The following UXS1 variants were observed in gnomAD, a reference collection of about 807,000 sequenced individuals.
UXS1 encodes UDP-glucuronic acid decarboxylase 1.
A neutral mutation model predicts 62.6 loss-of-function variants in UXS1; 33 were observed. The ratio of observed to expected loss-of-function variants is 0.53; its 90% CI spans 0.40 to 0.70. The LOEUF is 0.70. Among genes scored for constraint, UXS1 ranks in the 30% least tolerant of loss-of-function variants. The pLI, the probability that UXS1 is intolerant of heterozygous loss-of-function variation, is 0.00. For synonymous variants in UXS1, 213 were observed against 206.8 expected, an observed-to-expected ratio of 1.03 and a Z score of -0.26; for missense variants, 434 against 556.3, an observed-to-expected ratio of 0.78 and a Z score of 2.21.
chr2:106,128,126 C>T (rs1421269342), intron 7 of UXS1, among the ~76,000 whole-genome samples: 1 of 152,112 alleles, frequency 6.6e-6, no homozygotes, highest in Non-Finnish European at 1.5e-5. Flanking sequence ...TGATCTTTTC[C>T]TCTATGGTCT....
intron 8 of UXS1, among the ~76,000 whole-genome samples, chr2:106,124,234 TG>T (rs1333785178): frequency 7.2e-5 from 11 of 152,186 alleles, no homozygotes. Flanking sequence ...TAACAAGAGC[TG>T]GGCAAGCTAC....
At chr2:106,190,384 G>GA (rs1450180390) in intron 1 of UXS1, among the ~76,000 whole-genome samples, 1 of 152,124 alleles carries the variant, frequency 6.6e-6, no homozygotes, top group Non-Finnish European at 1.5e-5. Context: ...ATCTACAACT[G>GA]AAAAATCAGG....
chr2:106,131,008 C>A (rs372168492), intron 6 of UXS1, among the ~76,000 whole-genome samples: 1 of 151,738 alleles, frequency 6.6e-6, no homozygotes, highest in Non-Finnish European at 1.5e-5. Flanking sequence ...GTTCATCTCA[C>A]TAGGGAGTGC....
chr2:106,098,594 A>T, intron 13 of UXS1, 122 bp downstream of exon 13: 1 of 772,438 alleles, frequency 1.3e-6, no homozygotes. Flanking sequence ...TTCCTGATAA[A>T]AAGTTCTGCT....
At chr2:106,145,593 C>T in intron 5 of UXS1, 5 of 433,152 alleles carry the variant, frequency 1.2e-5, no homozygotes, top group Non-Finnish European at 2.0e-5. Flanking sequence ...AAATTTCAAA[C>T]TACCAGTCTT....
intron 13 of UXS1, 145 bp from the exon 14 acceptor site, chr2:106,096,966 A>C: frequency 1.2e-6 from 1 of 820,762 alleles, no homozygotes; most frequent in Non-Finnish European, 2.0e-6. Context: ...GAAGCCCCGG[A>C]GCTCCCGAGG....
chr2:106,174,590 C>CG (rs1438516964), intron 1 of UXS1, among the ~76,000 whole-genome samples: 1 of 152,206 alleles, frequency 6.6e-6, no homozygotes, highest in Non-Finnish European at 1.5e-5. Context: ...CTTGAAGGCC[C>CG]GCATCAGCCA....
At chr2:106,136,965 CAAAAAAA>C (rs397701050) in intron 6 of UXS1, among the ~76,000 whole-genome samples, 3 of 54,160 alleles carry the variant, frequency 5.5e-5, no homozygotes, top group Admixed American at 2.0e-4. Flanking sequence ...AGAACACACA[CAAAAAAA>C]AAAAAAAAAA....
At chr2:106,165,810 G>A (rs1410535436) in intron 2 of UXS1, among the ~76,000 whole-genome samples, 1 of 53,708 alleles carries the variant, frequency 1.9e-5, no homozygotes, top group Non-Finnish European at 6.8e-5. Context: ...TCTACACAAG[G>A]AGGGAAGCGG....
chr2:106,140,877 G>A (rs771972613), intron 6 of UXS1, among the ~76,000 whole-genome samples: 1 of 152,112 alleles, frequency 6.6e-6, no homozygotes, highest in Non-Finnish European at 1.5e-5. Flanking sequence ...GTTCCCCATG[G>A]AAAAGCTGGT....
At chr2:106,141,595 C>T (rs1639732851) in intron 6 of UXS1, among the ~76,000 whole-genome samples, 1 of 151,850 alleles carries the variant, frequency 6.6e-6, no homozygotes, top group Non-Finnish European at 1.5e-5. Flanking sequence ...GTAGCTGGGA[C>T]CACAGGTGCA....
At chr2:106,094,802 G>A (rs1298078377) in intron 14 of UXS1, among the ~76,000 whole-genome samples, 1 of 152,250 alleles carries the variant, frequency 6.6e-6, no homozygotes, top group African/African-American at 2.4e-5. Flanking sequence ...AAAGGTGAAG[G>A]GAGGCACTGC....
chr2:106,148,396 T>C (rs1035915783), intron 5 of UXS1, among the ~76,000 whole-genome samples: 1 of 152,234 alleles, frequency 6.6e-6, no homozygotes, highest in African/African-American at 2.4e-5. Context: ...TAACCCCTTT[T>C]AACATAACTG....
chr2:106,145,304 C>T lies in UXS1; in HGVS notation c.358G>A (p.Val120Met), dbSNP rs1377881845. ...GTGAAGAAATTGTCCACCACGGTCACCTCGTGGCCGTCCATCATGAGTTTG... is the reference window on the plus strand; with the variant it reads ...GTGAAGAAATTGTCCACCACGGTCATCTCGTGGCCGTCCATCATGAGTTTG... Reference protein sequence around the residue: ...TDKLMMDGHEVTVVDNFFTGR... With the variant: ...TDKLMMDGHEMTVVDNFFTGR... Residue 120 changes from valine to methionine, a missense_variant, in exon 6 of 15, where the codon GTG becomes ATG. Coordinates refer to ENST00000283148, the MANE Select transcript of UXS1 (RefSeq NM_001253875.2). 1 of 1,614,012 alleles carries T rather than the reference C, an allele frequency of 6.2e-7. No individual in the cohort carries two copies. Among genetic ancestry groups the T allele is most frequent in the Non-Finnish European group, 8.5e-7 (1 of 1,179,882 alleles).
chr2:106,110,224 A>G (rs1901465), intron 10 of UXS1, among the ~76,000 whole-genome samples: 129,436 of 152,202 alleles, frequency 0.85, 55,722 homozygotes, highest in Non-Finnish European at 0.93. Context: ...ACTGAAGCCC[A>G]CCACGTTCTC....
intron 5 of UXS1, among the ~76,000 whole-genome samples, chr2:106,157,118 A>G (rs1399137505): frequency 6.6e-6 from 1 of 152,130 alleles, no homozygotes; most frequent in African/African-American, 2.4e-5. Flanking sequence ...GAAAATGGAG[A>G]GTGACTGCTA....
In UXS1 at chr2:106,097,495, G is replaced by A. The variant is rs567104942; in HGVS notation, c.1043-674C>T. 1.1e-4 allele frequency: 36 copies of A among 333,044 alleles called. No individual in the cohort carries two copies. The East Asian group carries it at 1.9e-3, about 17-fold the overall frequency. 20.6% of individuals were successfully genotyped at this position (333,044 alleles called of 1,614,324 possible). On this transcript the variant is annotated intron_variant, in intron 13 of 14. Transcript: ENST00000283148. The stretch of plus-strand genomic sequence containing the variant: ...TCTGCAGCGAATCACCACCACAGGT[G>A]GTTCAGGATGGTCTGTCACAAAGCT...
At chr2:106,126,073 T>C (rs772206480) in intron 7 of UXS1, among the ~76,000 whole-genome samples, 3 of 152,168 alleles carry the variant, frequency 2.0e-5, no homozygotes, top group African/African-American at 4.8e-5. Flanking sequence ...AGCTTGCCAC[T>C]TCCTGAACAT....
chr2:106,107,119 C>T (rs924914213), intron 10 of UXS1, among the ~76,000 whole-genome samples: 17 of 152,198 alleles, frequency 1.1e-4, no homozygotes, highest in African/African-American at 4.1e-4. Context: ...GGCTGTGCTG[C>T]TGTCCTGCCC....
Sources: gnomAD v4.1 joint callset for allele counts (sites outside exome capture counted in the v4.1 genomes callset) on GRCh38, gnomAD v4.1.1 for gene constraint, MANE v1.5 for transcripts, NCBI Gene and HGNC (gene_info 2026-07-23, HGNC 2026-07-21) for gene names.